The following ONECUT3 variants were observed in gnomAD, a reference collection of about 807,000 sequenced individuals.
ONECUT3 encodes the protein one cut homeobox 3, also known as one cut domain family member 3.
In ONECUT3, 11 loss-of-function variants were observed where a neutral mutation model predicts 16.8. That is an observed-to-expected ratio of 0.66 (90% CI 0.41 to 1.09). The LOEUF (loss-of-function observed/expected upper bound fraction) is 1.09, where lower values mean the gene tolerates loss of function less well. Among genes scored for constraint, ONECUT3 ranks in the 50% least tolerant of loss-of-function variants. The probability of loss-of-function intolerance (pLI) is 0.00; values close to 1 mark genes in which losing one functional copy is unlikely to be tolerated. For missense variants in ONECUT3, 637 were observed against 629.9 expected, an observed-to-expected ratio of 1.01 and a Z score of -0.12; for synonymous variants, 344 against 310.7, an observed-to-expected ratio of 1.11 and a Z score of -1.13.
rs1473452168 is a variant in ONECUT3 at position 1,776,332 on chromosome 19, A to AGGAGAAGGGGACCCGGCC, written c.*896_*913dup. On this transcript the variant is annotated 3_prime_UTR_variant, in exon 2 of 2. Coordinates refer to ENST00000382349, the MANE Select transcript of ONECUT3 (RefSeq NM_001080488.2). This position sits in a 1 kb window ranked among gnomAD's most constrained non-coding sequence, Gnocchi z 4.9. Reference sequence around the variant, plus strand: ...CACGGGAGACCACGCCCAGGCTCCCAGGAGAAGGGGACCCGGCCGGAGAAG... The same window carrying AGGAGAAGGGGACCCGGCC: ...CACGGGAGACCACGCCCAGGCTCCCAGGAGAAGGGGACCCGGCCGGAGAAGGGGACCCGGCCGGAGAAG... The AGGAGAAGGGGACCCGGCC allele has an allele frequency of 1.3e-5, 2 of 152,322 alleles. No individual in the cohort carries two copies. The highest frequency in any genetic ancestry group is 2.9e-5 in the Non-Finnish European group (2 of 68,142). The allele number at this position is 152,322 out of a possible 1,614,324, so 9.4% of individuals were successfully genotyped here. A position where few individuals can be genotyped will look rare whatever the true frequency, so the allele number is the denominator to read the frequency against.
At position 1,755,529 on chromosome 19, in the gene ONECUT3, G is replaced by A. The variant is rs960832962; in HGVS notation, c.1192+675G>A. Among the ~76,000 whole-genome samples the A allele has an allele frequency of 6.6e-6, 1 of 151,572 alleles. No individual in the cohort carries two copies. The highest frequency in any genetic ancestry group is 1.5e-5 in the Non-Finnish European group (1 of 67,848). Reference sequence around the variant, plus strand: ...GCCCCGGGGACCCTCGGCCCGCGCCGCCCGGAGGCCTTCACACCCCGACCC... The same window carrying A: ...GCCCCGGGGACCCTCGGCCCGCGCCACCCGGAGGCCTTCACACCCCGACCC... On this transcript the variant is annotated intron_variant, in intron 1 of 1. Transcript: ENST00000382349. The surrounding 1 kb of genome is among the most constrained non-coding windows in gnomAD (Gnocchi z 7.5).
rs2067903347 is a variant in ONECUT3, at chr19:1,754,110, G to GCGCCGCCCCCGCCACCCC, written c.455_472dup (p.Pro152_Pro157dup). 1 of 1,014,748 alleles carries GCGCCGCCCCCGCCACCCC rather than the reference G, an allele frequency of 9.9e-7. No individual in the cohort carries two copies. Among genetic ancestry groups the GCGCCGCCCCCGCCACCCC allele is most frequent in the Non-Finnish European group, 1.2e-6 (1 of 852,214 alleles). 62.9% of individuals were successfully genotyped at this position (1,014,748 alleles called of 1,614,324 possible). A position where few individuals can be genotyped will look rare whatever the true frequency, so the allele number is the denominator to read the frequency against. The stretch of plus-strand genomic sequence containing the variant: ...CCACGCGCACCCGCACCCGGCGGCC[G>GCGCCGCCCCCGCCACCCC]CGCCGCCCCCGCCACCCCCGCCGCA... On this transcript the variant is annotated inframe_insertion, in exon 1 of 2. Transcript: ENST00000382349. The surrounding 1 kb of genome is among the most constrained non-coding windows in gnomAD (Gnocchi z 7.4).
At chr19:1,760,880 C>T (rs559514559) in intron 1 of ONECUT3, among the ~76,000 whole-genome samples, 1 of 152,204 alleles carries the variant, frequency 6.6e-6, no homozygotes, top group East Asian at 1.9e-4. Context: ...GCTCTGAAGT[C>T]CTCTTAGCCT....
rs763690416 is a variant in ONECUT3 at position 1,769,007 on chromosome 19, G to GTGA, written c.1193-6144_1193-6143insATG. Among the ~76,000 whole-genome samples, 32 of 84,822 alleles carry GTGA rather than the reference G, an allele frequency of 3.8e-4. 2 individuals are homozygous for GTGA. The East Asian group carries it at 8.9e-3, about 23-fold the overall frequency. 55.6% of individuals were successfully genotyped at this position (84,822 alleles called of 152,430 possible). Reference sequence around the variant, plus strand: ...AGTGGAGGTGGAGGTGATGGTGGAGGTGGTGGAGGTGGAAGTGGAGGTGGA... The same window carrying GTGA: ...AGTGGAGGTGGAGGTGATGGTGGAGGTGATGGTGGAGGTGGAAGTGGAGGTGGA... On this transcript the variant is annotated intron_variant, in intron 1 of 1. Coordinates refer to ENST00000382349, the MANE Select transcript of ONECUT3 (RefSeq NM_001080488.2).
chr19:1,776,153 C>G lies in ONECUT3; in HGVS notation c.*708C>G, dbSNP rs2068106472. The G allele has an allele frequency of 6.6e-6, 1 of 152,060 alleles. No homozygotes were observed. The highest frequency in any genetic ancestry group is 1.5e-5 in the Non-Finnish European group (1 of 68,044). The allele number at this position is 152,060 out of a possible 1,614,324, so 9.4% of individuals were successfully genotyped here. ...GCCTGCGGCGGGCGCCCAGCACCTA[C>G]GGGCGAGCACCCTTCCCACCCCATC... On this transcript the variant is annotated 3_prime_UTR_variant, in exon 2 of 2. Transcript: ENST00000382349. The surrounding 1 kb of genome is among the most constrained non-coding windows in gnomAD (Gnocchi z 4.9).
At chr19:1,757,606 A>G (rs2067923437) in intron 1 of ONECUT3, among the ~76,000 whole-genome samples, 1 of 151,840 alleles carries the variant, frequency 6.6e-6, no homozygotes. Context: ...TCACGCCGTC[A>G]ACCTTGCGCA....
chr19:1,762,621 C>A lies in ONECUT3; in HGVS notation c.1192+7767C>A, dbSNP rs545080807. 6.6e-6 allele frequency among the ~76,000 whole-genome samples: 1 copy of A among 152,250 alleles called. No homozygotes were observed. Among genetic ancestry groups the A allele is most frequent in the Admixed American group, 6.5e-5 (1 of 15,290 alleles). On this transcript the variant is annotated intron_variant, in intron 1 of 1. Transcript: ENST00000382349. The surrounding 1 kb of genome is among the most constrained non-coding windows in gnomAD (Gnocchi z 4.4). Reference sequence around the variant, plus strand: ...AACAGCCTGACAGGACCTGGACGCACGTGCCCCGGCGCCAGGAGACCCGGG... The same window carrying A: ...AACAGCCTGACAGGACCTGGACGCAAGTGCCCCGGCGCCAGGAGACCCGGG...
intron 1 of ONECUT3, among the ~76,000 whole-genome samples, chr19:1,756,636 T>C (rs533294561): frequency 6.6e-6 from 1 of 151,814 alleles, no homozygotes; most frequent in East Asian, 1.9e-4. Context: ...TTCAAGCGAT[T>C]CTTCCGCCTT....
At position 1,762,135 on chromosome 19, in the gene ONECUT3, TG is replaced by T. The variant is rs2067949329; in HGVS notation, c.1192+7283del. ...CCCCTAAGTGGGGTGCGGGGACATC[TG>T]GAAGACGCCCCATCTCCCCCTGGAC... On this transcript the variant is annotated intron_variant, in intron 1 of 1. Coordinates refer to ENST00000382349, the MANE Select transcript of ONECUT3 (RefSeq NM_001080488.2). The surrounding 1 kb of genome is among the most constrained non-coding windows in gnomAD (Gnocchi z 4.4). Among the ~76,000 whole-genome samples, 1 of 152,172 alleles carries T rather than the reference TG, an allele frequency of 6.6e-6. No homozygotes were observed. The highest frequency in any genetic ancestry group is 2.1e-4 in the South Asian group (1 of 4,830).
At chr19:1,760,937 C>T (rs1367580464) in intron 1 of ONECUT3, among the ~76,000 whole-genome samples, 2 of 152,066 alleles carry the variant, frequency 1.3e-5, no homozygotes, top group East Asian at 3.8e-4. Context: ...CTCTGAATCT[C>T]CCTCCCATTC....
At position 1,754,981 on chromosome 19, in the gene ONECUT3, G is replaced by A. The variant is rs551537379; in HGVS notation, c.1192+127G>A. On this transcript the variant is annotated intron_variant, in intron 1 of 1. Coordinates refer to ENST00000382349, the MANE Select transcript of ONECUT3 (RefSeq NM_001080488.2). The surrounding 1 kb of genome is among the most constrained non-coding windows in gnomAD (Gnocchi z 7.4). Reference sequence around the variant, plus strand: ...CCCGCCCGTGCGCCCCGGCAGCCCGGGACCCCCTATCAGGAAGCTAGACCG... The same window carrying A: ...CCCGCCCGTGCGCCCCGGCAGCCCGAGACCCCCTATCAGGAAGCTAGACCG... The A allele has an allele frequency of 8.7e-5, 106 of 1,213,144 alleles. 1 individual carries two copies. The South Asian group carries it at 2.7e-3, about 31-fold the overall frequency. The allele number at this position is 1,213,144 out of a possible 1,614,324, so 75.1% of individuals were successfully genotyped here. A position where few individuals can be genotyped will look rare whatever the true frequency, so the allele number is the denominator to read the frequency against.
At position 1,766,713 on chromosome 19, in the gene ONECUT3, T is replaced by TGCTGAG. The variant is rs1246041188; in HGVS notation, c.1193-8438_1193-8433dup. 2.0e-5 allele frequency among the ~76,000 whole-genome samples: 3 copies of TGCTGAG among 151,912 alleles called. No homozygotes were observed. The highest frequency in any genetic ancestry group is 4.4e-5 in the Non-Finnish European group (3 of 67,950). ...GGCCCCTACTCAGCTACTGGCTTCC[T>TGCTGAG]GCTGAGGGCACTCGGGGAGCCCCAC... On this transcript the variant is annotated intron_variant, in intron 1 of 1. Transcript: ENST00000382349. The surrounding 1 kb of genome is among the most constrained non-coding windows in gnomAD (Gnocchi z 4.0).
chr19:1,758,704 T>G lies in ONECUT3; in HGVS notation c.1192+3850T>G, dbSNP rs1389099173. Among the ~76,000 whole-genome samples the G allele has an allele frequency of 1.4e-5, 2 of 147,708 alleles. No individual in the cohort carries two copies. Among genetic ancestry groups the G allele is most frequent in the Non-Finnish European group, 3.0e-5 (2 of 66,508 alleles). Reference sequence around the variant, plus strand: ...TCCTCCGAGTCCCGCACTTCGGAGCTGCCTCCTGGTCAAAGCTCTCCCCTG... The same window carrying G: ...TCCTCCGAGTCCCGCACTTCGGAGCGGCCTCCTGGTCAAAGCTCTCCCCTG... On this transcript the variant is annotated intron_variant, in intron 1 of 1. Coordinates refer to ENST00000382349, the MANE Select transcript of ONECUT3 (RefSeq NM_001080488.2). This position sits in a 1 kb window ranked among gnomAD's most constrained non-coding sequence, Gnocchi z 5.9.
At position 1,755,001 on chromosome 19, in the gene ONECUT3, A is replaced by G. The variant is rs989483916; in HGVS notation, c.1192+147A>G. 8.0e-6 allele frequency: 9 copies of G among 1,118,134 alleles called. No individual in the cohort carries two copies. The African/African-American group carries it at 1.5e-4, about 18-fold the overall frequency. The allele number at this position is 1,118,134 out of a possible 1,614,324, so 69.3% of individuals were successfully genotyped here. A position where few individuals can be genotyped will look rare whatever the true frequency, so the allele number is the denominator to read the frequency against. On this transcript the variant is annotated intron_variant, in intron 1 of 1. Coordinates refer to ENST00000382349, the MANE Select transcript of ONECUT3 (RefSeq NM_001080488.2). The surrounding 1 kb of genome is among the most constrained non-coding windows in gnomAD (Gnocchi z 7.5). The stretch of plus-strand genomic sequence containing the variant: ...GCCCGGGACCCCCTATCAGGAAGCT[A>G]GACCGCGATCCGCGCCGCTGCCCGT...
At position 1,776,482 on chromosome 19, in the gene ONECUT3, G is replaced by T. The variant is rs367894628; in HGVS notation, c.*1037G>T. The T allele has an allele frequency of 6.8e-6, 1 of 147,660 alleles. No individual in the cohort carries two copies. The highest frequency in any genetic ancestry group is 1.5e-5 in the Non-Finnish European group (1 of 68,066). The allele number at this position is 147,660 out of a possible 1,614,324, so 9.1% of individuals were successfully genotyped here. On this transcript the variant is annotated 3_prime_UTR_variant, in exon 2 of 2. Transcript: ENST00000382349. This position sits in a 1 kb window ranked among gnomAD's most constrained non-coding sequence, Gnocchi z 4.9. ...GTCAGGGTCTGAACTGGGCTTGCAG[G>T]GGGGCAGCGGGGTTGAACGTGGTGT...
At chr19:1,774,957 C>T (rs1033976723) in intron 1 of ONECUT3, among the ~76,000 whole-genome samples, 196 bp from the exon 2 acceptor site, 1 of 152,142 alleles carries the variant, frequency 6.6e-6, no homozygotes, top group Non-Finnish European at 1.5e-5. Flanking sequence ...TCCCCGCTGT[C>T]TCCCCCTCCG....
chr19:1,774,357 G>T (rs549473114), intron 1 of ONECUT3, among the ~76,000 whole-genome samples: 2 of 151,752 alleles, frequency 1.3e-5, no homozygotes, highest in African/African-American at 4.8e-5. Flanking sequence ...GAGGCCAGAG[G>T]ATCACTTGAG....
intron 1 of ONECUT3, among the ~76,000 whole-genome samples, chr19:1,774,244 G>A (rs1432372838): frequency 6.6e-6 from 1 of 152,084 alleles, no homozygotes; most frequent in Non-Finnish European, 1.5e-5. Flanking sequence ...GTCCCTAAGG[G>A]TATCAGGCCT....
In ONECUT3 at chr19:1,762,019, A is replaced by T. The variant is rs914975230; in HGVS notation, c.1192+7165A>T. Reference sequence around the variant, plus strand: ...GTCACAAGTGTAGACGCACCCGGAGACACGTGTGTAGACGCCTCCGTTCAC... The same window carrying T: ...GTCACAAGTGTAGACGCACCCGGAGTCACGTGTGTAGACGCCTCCGTTCAC... On this transcript the variant is annotated intron_variant, in intron 1 of 1. Transcript: ENST00000382349. This position sits in a 1 kb window ranked among gnomAD's most constrained non-coding sequence, Gnocchi z 4.4. Among the ~76,000 whole-genome samples the T allele has an allele frequency of 6.6e-6, 1 of 152,056 alleles. No homozygotes were observed. The highest frequency in any genetic ancestry group is 2.4e-5 in the African/African-American group (1 of 41,380).
Sources: allele counts gnomAD v4.1 joint callset (sites outside exome capture counted in the v4.1 genomes callset), GRCh38; gene constraint gnomAD v4.1.1; non-coding constraint Gnocchi (gnomAD v3.1); transcripts MANE v1.5; gene names NCBI Gene and HGNC (gene_info 2026-07-23, HGNC 2026-07-21).